The following ASAP1 variants were observed in gnomAD, a reference collection of about 807,000 sequenced individuals.
The protein encoded by ASAP1 is arf-GAP with SH3 domain, ANK repeat and PH domain-containing protein 1.
In ASAP1, 43 loss-of-function variants were observed where a neutral mutation model predicts 145.2. The ratio of observed to expected loss-of-function variants is 0.30; its 90% CI spans 0.23 to 0.38. The LOEUF is 0.38. ASAP1 is among the 10% of genes least tolerant of loss of function. ASAP1 has a pLI of 1.00. For synonymous variants in ASAP1, 546 were observed against 515.5 expected (o/e 1.06, Z -0.80); for missense variants, 1,018 against 1,355.3 (o/e 0.75, Z 3.91).
At chr8:130,117,397 A>G (rs2097557979) in intron 20 of ASAP1, among the ~76,000 whole-genome samples, 1 of 152,186 alleles carries the variant, frequency 6.6e-6, no homozygotes, top group African/African-American at 2.4e-5. Context: ...CTATCTCTGG[A>G]GCCAATGTTT....
At chr8:130,296,262 G>A (rs1401914017) in intron 3 of ASAP1, among the ~76,000 whole-genome samples, 1 of 152,222 alleles carries the variant, frequency 6.6e-6, no homozygotes, top group Non-Finnish European at 1.5e-5. Flanking sequence ...GGTTTACCTG[G>A]TTGAACACCA....
chr8:130,366,815 T>C (rs1156991401), intron 2 of ASAP1, among the ~76,000 whole-genome samples: 4 of 151,570 alleles, frequency 2.6e-5, no homozygotes, highest in Non-Finnish European at 5.9e-5. Flanking sequence ...GCCTGGTATA[T>C]AGTAAGTGAT....
chr8:130,056,140 A>T (rs2097403544), intron 29 of ASAP1, among the ~76,000 whole-genome samples: 1 of 152,270 alleles, frequency 6.6e-6, no homozygotes, highest in Non-Finnish European at 1.5e-5. Context: ...GTTCCTCAAC[A>T]TCCTTGTGAG....
intron 3 of ASAP1, among the ~76,000 whole-genome samples, chr8:130,352,409 C>G (rs1450776455): frequency 6.6e-6 from 1 of 152,122 alleles, no homozygotes; most frequent in African/African-American, 2.4e-5. Flanking sequence ...CACAGAAATC[C>G]TATGCGTAAG....
At position 130,358,867 on chromosome 8, in the gene ASAP1, C is replaced by G. The variant is rs914488382; in HGVS notation, c.60-724G>C. Among the ~76,000 whole-genome samples, 2 of 151,930 alleles carry G rather than the reference C, an allele frequency of 1.3e-5. No homozygotes were observed. The highest frequency in any genetic ancestry group is 1.3e-4 in the Admixed American group (2 of 15,264). ...CCGAGTCCCTGGTTCGCCCCCGGAG[C>G]GGTTACTTCAGCGAGCTCGTTGCGC... On this transcript the variant is annotated intron_variant, in intron 2 of 29. Transcript: ENST00000518721. This position sits in a 1 kb window ranked among gnomAD's most constrained non-coding sequence, Gnocchi z 4.1.
At chr8:130,262,408 AAAAAAAAAAGAGAGAGAGAGAG>A (rs1819962453) in intron 3 of ASAP1, among the ~76,000 whole-genome samples, 1 of 115,712 alleles carries the variant, frequency 8.6e-6, no homozygotes, top group Non-Finnish European at 1.7e-5. Context: ...AAAAAAAAAA[AAAAAAAAAAGAGAGAGAGAGAG>A]AGAGAGAGAG....
chr8:130,232,126 T>A lies in ASAP1; in HGVS notation c.259+4796A>T, dbSNP rs116446817. Reference sequence around the variant, plus strand: ...TCAGAAAAAGAACAGAAGGACGAGGTTGAAGCTATCTTGTCTATGGACTGG... The same window carrying A: ...TCAGAAAAAGAACAGAAGGACGAGGATGAAGCTATCTTGTCTATGGACTGG... On this transcript the variant is annotated intron_variant, in intron 4 of 29. Transcript: ENST00000518721. Among the ~76,000 whole-genome samples the A allele has an allele frequency of 2.2e-3, 340 of 152,250 alleles. 1 individual carries two copies. The highest frequency in any genetic ancestry group is 7.7e-3 in the African/African-American group (321 of 41,528).
chr8:130,280,341 T>C (rs755202923), intron 3 of ASAP1, among the ~76,000 whole-genome samples: 19 of 152,242 alleles, frequency 1.2e-4, no homozygotes, highest in Non-Finnish European at 2.4e-4. Context: ...GTGTGATATA[T>C]TCAATTGTGA....
chr8:130,128,345 T>C (rs1025657444), intron 15 of ASAP1, among the ~76,000 whole-genome samples: 4 of 151,294 alleles, frequency 2.6e-5, no homozygotes, highest in Non-Finnish European at 5.9e-5. Context: ...ATGAGAAAAG[T>C]AAAAAATCAA....
intron 2 of ASAP1, among the ~76,000 whole-genome samples, chr8:130,388,626 A>C (rs551138727): frequency 3.9e-5 from 6 of 152,326 alleles, no homozygotes; most frequent in African/African-American, 1.4e-4. Flanking sequence ...CCCAACTGAG[A>C]GACTGAGAGG....
At position 130,358,101 on chromosome 8, in the gene ASAP1, G is replaced by T. The variant is rs772647613; in HGVS notation, c.102C>A (p.Thr34=). The change falls in exon 3 of 30, where the codon ACC becomes ACA. Residue 34 remains threonine, a synonymous_variant. Transcript: ENST00000518721. This position sits in a 1 kb window ranked among gnomAD's most constrained non-coding sequence, Gnocchi z 4.1. ...QISVSEFIAE[T]TEDYNSPTTS... is the part of the protein sequence containing the mutation. Reference sequence around the variant, plus strand: ...TGGTGGGCGAGTTGTAGTCCTCGGTGGTCTCGGCGATGAACTCCGAGACAG... The same window carrying T: ...TGGTGGGCGAGTTGTAGTCCTCGGTTGTCTCGGCGATGAACTCCGAGACAG... 6.2e-7 allele frequency: 1 copy of T among 1,610,062 alleles called. No homozygotes were observed. The highest frequency in any genetic ancestry group is 8.5e-7 in the Non-Finnish European group (1 of 1,178,770).
At chr8:130,073,372 A>G (rs1159214584) in intron 27 of ASAP1, among the ~76,000 whole-genome samples, 2 of 149,276 alleles carry the variant, frequency 1.3e-5, no homozygotes, top group Non-Finnish European at 1.5e-5. Flanking sequence ...CCTGGGCAAC[A>G]AGAGTGAAAC....
intron 11 of ASAP1, among the ~76,000 whole-genome samples, chr8:130,167,050 T>C (rs903550217): frequency 6.6e-6 from 1 of 152,172 alleles, no homozygotes; most frequent in African/African-American, 2.4e-5. Context: ...ATGTCTGTAA[T>C]CCCAGAATTT....
intron 3 of ASAP1, among the ~76,000 whole-genome samples, chr8:130,276,601 G>A (rs1820896437): frequency 6.6e-6 from 1 of 151,226 alleles, no homozygotes; most frequent in African/African-American, 2.4e-5. Context: ...GAGACAATCT[G>A]GAGTAAATAC....
rs148703133 is a variant in ASAP1 at position 130,425,976 on chromosome 8, C to T, written c.-28+17484G>A. Among the ~76,000 whole-genome samples, 190 of 152,318 alleles carry T rather than the reference C, an allele frequency of 1.2e-3. 1 individual carries two copies. Among genetic ancestry groups the T allele is most frequent in the Non-Finnish European group, 2.4e-3 (165 of 68,030 alleles). On this transcript the variant is annotated intron_variant, in intron 1 of 29. Coordinates refer to ENST00000518721, the MANE Select transcript of ASAP1 (RefSeq NM_018482.4). ...CTGCCGCTGCTTCCACTCTCACCAG[C>T]ATTAAGCATTTGCAGACAGCAAATA...
intron 15 of ASAP1, among the ~76,000 whole-genome samples, chr8:130,130,201 C>G (rs1216938968): frequency 6.6e-6 from 1 of 152,204 alleles, no homozygotes; most frequent in Non-Finnish European, 1.5e-5. Flanking sequence ...GGATACTCAA[C>G]CTGTAGAATC....
chr8:130,189,501 C>T (rs745562071), intron 5 of ASAP1, among the ~76,000 whole-genome samples: 7 of 152,128 alleles, frequency 4.6e-5, no homozygotes, highest in African/African-American at 1.7e-4. Flanking sequence ...TTTTTTATGG[C>T]TGAATAATAT....
chr8:130,338,210 G>GA (rs1311350772), intron 3 of ASAP1, among the ~76,000 whole-genome samples: 3 of 152,192 alleles, frequency 2.0e-5, no homozygotes, highest in African/African-American at 7.2e-5. Context: ...ATTTATAGGT[G>GA]ATGCTGGCAG....
At chr8:130,212,832 C>T (rs1816669444) in intron 5 of ASAP1, among the ~76,000 whole-genome samples, 2 of 152,142 alleles carry the variant, frequency 1.3e-5, no homozygotes, top group Admixed American at 1.3e-4. Context: ...CGTAGCAAAC[C>T]GTAGAGATGA....
Sources: allele counts gnomAD v4.1 joint callset (sites outside exome capture counted in the v4.1 genomes callset), GRCh38; gene constraint gnomAD v4.1.1; non-coding constraint Gnocchi (gnomAD v3.1); transcripts MANE v1.5; gene names NCBI Gene and HGNC (gene_info 2026-07-23, HGNC 2026-07-21).